Variants in DIS3L2 observed in about 807,000 individuals in gnomAD.
DIS3L2 encodes the protein DIS3 like 3'-5' exoribonuclease 2.
DIS3L2 carries 34 observed loss-of-function variants against 97.5 expected under a neutral mutation model. The observed-to-expected ratio is 0.35, with a 90% CI of 0.27 to 0.46. DIS3L2 has a LOEUF of 0.46. Ranked by LOEUF, DIS3L2 falls within the 20% of genes least tolerant of loss-of-function variation. The pLI is 1.00. For missense variants in DIS3L2, 1,038 were observed against 1,146.0 expected (o/e 0.91, Z 1.36); for synonymous variants, 435 against 445.2 (o/e 0.98, Z 0.29).
At chr2:231,963,269 C>T (rs1692619429) in intron 1 of DIS3L2, among the ~76,000 whole-genome samples, 1 of 152,136 alleles carries the variant, frequency 6.6e-6, no homozygotes, top group Non-Finnish European at 1.5e-5. Context: ...TGATAATAGC[C>T]ATTCTGACTG....
chr2:232,326,202 A>G (rs1695568158), intron 14 of DIS3L2, among the ~76,000 whole-genome samples: 1 of 152,146 alleles, frequency 6.6e-6, no homozygotes, highest in Non-Finnish European at 1.5e-5. Context: ...GCTGGGCGCC[A>G]CCTGCTGGCC....
intron 20 of DIS3L2, 55 bp from the exon 21 acceptor site, chr2:232,336,414 C>A: frequency 6.4e-7 from 1 of 1,568,120 alleles, no homozygotes; most frequent in South Asian, 1.2e-5. Flanking sequence ...GGCAGAGCTG[C>A]GCCTCGACAT....
chr2:232,045,228 C>A (rs1294486283), intron 5 of DIS3L2, among the ~76,000 whole-genome samples: 3 of 152,132 alleles, frequency 2.0e-5, no homozygotes, highest in African/African-American at 7.2e-5. Flanking sequence ...CTAACCTTCT[C>A]TAAGTCCAAC....
At chr2:232,078,117 C>T (rs1159193482) in intron 5 of DIS3L2, among the ~76,000 whole-genome samples, 1 of 150,556 alleles carries the variant, frequency 6.6e-6, no homozygotes, top group Non-Finnish European at 1.5e-5. Context: ...AATCTTGGCT[C>T]ACTGCAACCA....
chr2:232,130,905 C>A, intron 7 of DIS3L2, 186 bp downstream of exon 7: 1 of 865,182 alleles, frequency 1.2e-6, no homozygotes, highest in Non-Finnish European at 1.6e-6. Context: ...CATCTTCCTG[C>A]CTTTGGATAA....
chr2:232,048,034 GA>G (rs1695291224), intron 5 of DIS3L2, among the ~76,000 whole-genome samples: 1 of 152,182 alleles, frequency 6.6e-6, no homozygotes, highest in African/African-American at 2.4e-5. Context: ...TCATGCACAA[GA>G]TTTTATATAA....
intron 13 of DIS3L2, among the ~76,000 whole-genome samples, chr2:232,283,370 C>T (rs1476146367): frequency 1.3e-5 from 2 of 152,210 alleles, no homozygotes; most frequent in Admixed American, 6.5e-5. Flanking sequence ...GATCCTCCCA[C>T]CTCAGCCTCC....
intron 1 of DIS3L2, among the ~76,000 whole-genome samples, chr2:231,974,083 T>A (rs1574776924): frequency 6.6e-6 from 1 of 152,192 alleles, no homozygotes; most frequent in African/African-American, 2.4e-5. Flanking sequence ...TCCTTTCATA[T>A]GCAAAGATGT....
intron 9 of DIS3L2, among the ~76,000 whole-genome samples, chr2:232,194,394 C>T (rs867452451): frequency 2.4e-4 from 37 of 152,052 alleles, no homozygotes; most frequent in African/African-American, 8.5e-4. Context: ...TGTGAATCTA[C>T]AAAAATCATG....
rs1226040392 is a variant in DIS3L2, at chr2:232,307,339, TTG to T, written c.1739+7222_1739+7223del. Among the ~76,000 whole-genome samples, 6 of 152,348 alleles carry T rather than the reference TTG, an allele frequency of 3.9e-5. No homozygotes were observed. In the South Asian group the frequency reaches 1.2e-3, roughly 32 times the overall value. On this transcript the variant is annotated intron_variant, in intron 14 of 20. Transcript: ENST00000325385. ...TGAGGAGTCAAGCTTCTTTCCAGCT[TTG>T]TCTTTTCATTTGCCGTAGGATTATC...
At position 232,276,746 on chromosome 2, in the gene DIS3L2, GC is replaced by G. The variant is rs1694152549; in HGVS notation, c.1659+13307del. Among the ~76,000 whole-genome samples, 2 of 152,230 alleles carry G rather than the reference GC, an allele frequency of 1.3e-5. No homozygotes were observed. Among genetic ancestry groups the G allele is most frequent in the Admixed American group, 1.3e-4 (2 of 15,294 alleles). ...GTTCTGATCCCGACTCCCTCACTTA[GC>G]TGTGTGACTCTAACTCTTCTGTGCC... On this transcript the variant is annotated intron_variant, in intron 13 of 20. Transcript: ENST00000325385. The surrounding 1 kb of genome is among the most constrained non-coding windows in gnomAD (Gnocchi z 4.4).
chr2:232,172,785 T>C (rs747360246), intron 9 of DIS3L2: 3 of 533,560 alleles, frequency 5.6e-6, no homozygotes, highest in Non-Finnish European at 1.2e-5. Flanking sequence ...CTAACACTTG[T>C]TATCTGTATT....
intron 3 of DIS3L2, among the ~76,000 whole-genome samples, chr2:232,016,170 A>G (rs1475216877): frequency 1.3e-5 from 2 of 152,234 alleles, no homozygotes; most frequent in Admixed American, 6.5e-5. Context: ...GGAAGCAGTA[A>G]ACAACAATAG....
chr2:231,976,182 C>A (rs1693085800), intron 1 of DIS3L2, among the ~76,000 whole-genome samples: 3 of 152,086 alleles, frequency 2.0e-5, no homozygotes, highest in African/African-American at 7.2e-5. Context: ...TACCCATCAC[C>A]CCTATAGTGT....
intron 6 of DIS3L2, among the ~76,000 whole-genome samples, chr2:232,095,668 C>T (rs1433375317): frequency 6.6e-6 from 1 of 152,168 alleles, no homozygotes; most frequent in African/African-American, 2.4e-5. Flanking sequence ...TTTGTACCTT[C>T]AGATGATTTT....
chr2:232,274,088 C>T (rs952287883), intron 13 of DIS3L2, among the ~76,000 whole-genome samples: 4 of 152,128 alleles, frequency 2.6e-5, no homozygotes, highest in African/African-American at 9.7e-5. Context: ...ATGACTCAAA[C>T]CTAAGTGCCT....
intron 3 of DIS3L2, among the ~76,000 whole-genome samples, chr2:232,022,772 A>G (rs567817336): frequency 8.8e-4 from 134 of 152,260 alleles, no homozygotes; most frequent in Middle Eastern, 6.8e-3. Context: ...CTGCCATGCT[A>G]TTCGTTAGGA....
intron 14 of DIS3L2, among the ~76,000 whole-genome samples, chr2:232,305,115 AC>A (rs1449775732): frequency 6.6e-6 from 1 of 152,094 alleles, no homozygotes; most frequent in Non-Finnish European, 1.5e-5. Flanking sequence ...TCGCTCTGTC[AC>A]CCAGGCTGGA....
chr2:232,031,982 G>A (rs1485590239), intron 5 of DIS3L2, among the ~76,000 whole-genome samples: 1 of 151,920 alleles, frequency 6.6e-6, no homozygotes, highest in Non-Finnish European at 1.5e-5. Context: ...GTGTGCATAT[G>A]TCTTTACAGT....
Sources: allele counts gnomAD v4.1 joint callset (sites outside exome capture counted in the v4.1 genomes callset), GRCh38; gene constraint gnomAD v4.1.1; non-coding constraint Gnocchi (gnomAD v3.1); transcripts MANE v1.5; gene names NCBI Gene and HGNC (gene_info 2026-07-23, HGNC 2026-07-21).